SCFD1: variants seen among roughly 807,000 people sequenced by gnomAD.
SCFD1 encodes the protein sec1 family domain containing 1.
Under a neutral mutation model 103.2 loss-of-function variants are expected in SCFD1, and 37 were observed. That is an observed-to-expected ratio of 0.36 (90% CI 0.28 to 0.47). The LOEUF (loss-of-function observed/expected upper bound fraction) is 0.47. Among genes scored for constraint, SCFD1 ranks in the 20% least tolerant of loss-of-function variants. The pLI, the probability that SCFD1 is intolerant of heterozygous loss-of-function variation, is 1.00. For missense variants in SCFD1, 639 were observed against 761.2 expected (o/e 0.84, Z 1.89); for synonymous variants, 264 against 245.0 (o/e 1.08, Z -0.73).
intron 10 of SCFD1, among the ~76,000 whole-genome samples, chr14:30,659,724 A>G (rs530399218): frequency 3.9e-5 from 6 of 152,276 alleles, no homozygotes; most frequent in Admixed American, 6.5e-5. Flanking sequence ...AGGTTGTGCT[A>G]CTTAGTCTAA....
intron 23 of SCFD1, among the ~76,000 whole-genome samples, chr14:30,732,949 C>T (rs952683308): frequency 1.1e-4 from 16 of 151,878 alleles, no homozygotes; most frequent in African/African-American, 3.6e-4. Flanking sequence ...AAGAACTACA[C>T]TGAGTTAATT....
At chr14:30,658,668 C>T (rs1178313616) in intron 10 of SCFD1, among the ~76,000 whole-genome samples, 2 of 152,188 alleles carry the variant, frequency 1.3e-5, no homozygotes, top group African/African-American at 4.8e-5. Context: ...GCTGGGATTA[C>T]AGGCGTGAGC....
chr14:30,626,920 G>A (rs1883519258), intron 1 of SCFD1, among the ~76,000 whole-genome samples: 1 of 152,184 alleles, frequency 6.6e-6, no homozygotes, highest in African/African-American at 2.4e-5. Flanking sequence ...AGTTTTTCTT[G>A]TGAGTGAATG....
rs190352509 is a variant in SCFD1, at chr14:30,626,219, G to A, written c.62-1990G>A. ...TACATTTTTATTTAATGTAAAACCT[G>A]TGGGCCTCTGAAGTAGGTAATATTG... On this transcript the variant is annotated intron_variant, in intron 1 of 24. Transcript: ENST00000458591. Among the ~76,000 whole-genome samples, 15 of 151,986 alleles carry A rather than the reference G, an allele frequency of 9.9e-5. No homozygotes were observed. In the East Asian group the frequency reaches 2.5e-3, roughly 25 times the overall value.
chr14:30,673,375 T>A, intron 12 of SCFD1, 28 bp downstream of exon 12: 1 of 1,248,926 alleles, frequency 8.0e-7, no homozygotes, highest in Non-Finnish European at 1.2e-6. Context: ...TTCTAAGAAT[T>A]ATAGGAAAGA....
At chr14:30,674,080 T>G in intron 13 of SCFD1, 83 bp downstream of exon 13, 2 of 917,968 alleles carry the variant, frequency 2.2e-6, no homozygotes, top group Admixed American at 4.6e-5. Flanking sequence ...TTAATGTTTT[T>G]AACTAGTAGG....
chr14:30,695,016 T>C, intron 15 of SCFD1, 147 bp downstream of exon 15: 1 of 1,425,184 alleles, frequency 7.0e-7, no homozygotes, highest in Non-Finnish European at 9.2e-7. Flanking sequence ...TCTGGTAAAA[T>C]TTTATAACTT....
chr14:30,677,128 T>C (rs1251914688), intron 14 of SCFD1, among the ~76,000 whole-genome samples: 1 of 152,164 alleles, frequency 6.6e-6, no homozygotes, highest in African/African-American at 2.4e-5. Context: ...ATTCAAGATA[T>C]TGAGTGATTT....
chr14:30,633,290 G>A (rs1884372175), intron 3 of SCFD1, among the ~76,000 whole-genome samples: 1 of 152,136 alleles, frequency 6.6e-6, no homozygotes, highest in Non-Finnish European at 1.5e-5. Flanking sequence ...CCTCATATAA[G>A]CATGGTTTGA....
chr14:30,732,628 G>A (rs1444144205), intron 23 of SCFD1, among the ~76,000 whole-genome samples: 1 of 152,172 alleles, frequency 6.6e-6, no homozygotes, highest in Admixed American at 6.5e-5. Context: ...CAGTCTCGTA[G>A]TATGAAACTA....
At chr14:30,691,692 A>G (rs183314873) in intron 14 of SCFD1, among the ~76,000 whole-genome samples, 302 of 152,326 alleles carry the variant, frequency 2.0e-3, no homozygotes, top group Non-Finnish European at 2.7e-3. Flanking sequence ...TGCAACCACA[A>G]TCTAATGTTA....
chr14:30,652,110 T>TA (rs1345540190), intron 9 of SCFD1, among the ~76,000 whole-genome samples: 2 of 152,216 alleles, frequency 1.3e-5, no homozygotes, highest in Non-Finnish European at 2.9e-5. Context: ...TCTGACTTTT[T>TA]ATCCCCGAGT....
chr14:30,691,943 T>TATTC (rs1490732340), intron 14 of SCFD1, among the ~76,000 whole-genome samples: 1 of 141,528 alleles, frequency 7.1e-6, no homozygotes, highest in Non-Finnish European at 1.6e-5. Flanking sequence ...TTTATTTATT[T>TATTC]ATTTATTTAT....
At chr14:30,633,912 TA>T (rs747563225) in intron 3 of SCFD1, 34 bp from the exon 4 acceptor site, 29 of 1,266,586 alleles carry the variant, frequency 2.3e-5, no homozygotes, top group Middle Eastern at 2.0e-4. Context: ...AATAAGTGAA[TA>T]AAAAAATAAG....
intron 9 of SCFD1, among the ~76,000 whole-genome samples, chr14:30,651,735 A>G (rs1339340630): frequency 3.9e-5 from 6 of 152,116 alleles, no homozygotes; most frequent in African/African-American, 7.2e-5. Flanking sequence ...TTGTTTCTCA[A>G]CTTGTTGGAT....
At position 30,722,478 on chromosome 14, in the gene SCFD1, TC is replaced by T. The variant is rs1287328653; in HGVS notation, c.1771-15del. The T allele has an allele frequency of 6.5e-7, 1 of 1,535,182 alleles. No individual in the cohort carries two copies. Among genetic ancestry groups the T allele is most frequent in the South Asian group, 1.2e-5 (1 of 82,062 alleles). ...AAAAACTGTGTTTTTTTTTTTTTAA[TC>T]TGTTTGCATTTTAGGCCATTGTTTT... On this transcript the variant is annotated splice_polypyrimidine_tract_variant and intron_variant, in intron 22 of 24. Transcript: ENST00000458591.
At chr14:30,648,480 AC>A (rs1281514315) in intron 7 of SCFD1, among the ~76,000 whole-genome samples, 1 of 152,220 alleles carries the variant, frequency 6.6e-6, no homozygotes, top group East Asian at 1.9e-4. Flanking sequence ...TTTTTAAAAA[AC>A]TACAATTTTT....
At chr14:30,718,756 G>A (rs963566955) in intron 20 of SCFD1, among the ~76,000 whole-genome samples, 1 of 152,110 alleles carries the variant, frequency 6.6e-6, no homozygotes, top group African/African-American at 2.4e-5. Flanking sequence ...AGGTTATCTT[G>A]CCTTGTAAGT....
At chr14:30,654,768 T>C (rs923240360) in intron 10 of SCFD1, among the ~76,000 whole-genome samples, 2 of 152,126 alleles carry the variant, frequency 1.3e-5, no homozygotes, top group African/African-American at 4.8e-5. Flanking sequence ...TTTATTTAAA[T>C]AAATCAGATT....
Sources: gnomAD v4.1 joint callset for allele counts (sites outside exome capture counted in the v4.1 genomes callset) on GRCh38, gnomAD v4.1.1 for gene constraint, MANE v1.5 for transcripts, NCBI Gene and HGNC (gene_info 2026-07-23, HGNC 2026-07-21) for gene names.